The following GPC6 variants were observed in gnomAD, a reference collection of about 807,000 sequenced individuals.
GPC6 encodes the protein glypican 6.
GPC6 carries 14 observed loss-of-function variants against 55.2 expected under a neutral mutation model. That is an observed-to-expected ratio of 0.25 (90% CI 0.17 to 0.40). The LOEUF (loss-of-function observed/expected upper bound fraction) is 0.40, where lower values mean the gene tolerates loss of function less well. GPC6 is among the 10% of genes least tolerant of loss of function. GPC6 has a pLI of 1.00. For missense variants in GPC6, 641 were observed against 708.5 expected, an observed-to-expected ratio of 0.90 and a Z score of 1.08; for synonymous variants, 278 against 259.6, an observed-to-expected ratio of 1.07 and a Z score of -0.68.
intron 1 of GPC6, among the ~76,000 whole-genome samples, chr13:93,335,123 T>C (rs1311566166): frequency 6.6e-6 from 1 of 152,222 alleles, no homozygotes; most frequent in Non-Finnish European, 1.5e-5. Flanking sequence ...GTCAGTGGCA[T>C]AGCTAATTAT....
At chr13:93,534,146 C>T (rs1366897065) in intron 1 of GPC6, among the ~76,000 whole-genome samples, 2 of 152,042 alleles carry the variant, frequency 1.3e-5, no homozygotes, top group Non-Finnish European at 2.9e-5. Flanking sequence ...CTAGGAGGCT[C>T]CTCAGGAGAA....
At chr13:93,327,431 C>G (rs914756762) in intron 1 of GPC6, among the ~76,000 whole-genome samples, 1 of 152,076 alleles carries the variant, frequency 6.6e-6, no homozygotes, top group Non-Finnish European at 1.5e-5. Flanking sequence ...TTTCCTTTTA[C>G]ACTTGTTCAT....
At chr13:93,308,747 G>A (rs1285633409) in intron 1 of GPC6, among the ~76,000 whole-genome samples, 1 of 152,166 alleles carries the variant, frequency 6.6e-6, no homozygotes, top group East Asian at 1.9e-4. Context: ...GGGCTGTCAT[G>A]GGTAATTTAA....
rs538363940 is a variant in GPC6 at position 93,877,243 on chromosome 13, C to T, written c.711+46698C>T. On this transcript the variant is annotated intron_variant, in intron 3 of 8. Transcript: ENST00000377047. ...ATTATACTACTACATATGGATACGG[C>T]CTATTTTACAGTTAACCCTTATAAC... is the stretch of plus-strand genomic sequence containing the variant. Among the ~76,000 whole-genome samples, 4 of 151,974 alleles carry T rather than the reference C, an allele frequency of 2.6e-5. No homozygotes were observed. The South Asian group carries it at 8.3e-4, about 32-fold the overall frequency.
chr13:93,489,069 GC>G lies in GPC6; in HGVS notation c.161-56192del, dbSNP rs1466852170. 2.0e-5 allele frequency among the ~76,000 whole-genome samples: 3 copies of G among 151,400 alleles called. No homozygotes were observed. The East Asian group carries it at 6.6e-4, about 33-fold the overall frequency. Reference sequence around the variant, plus strand: ...CCATGCCTATGTCCTGAATTGTATTGCCTAGGTTTTCTTCTAGGGTTTTTAT... The same window carrying G: ...CCATGCCTATGTCCTGAATTGTATTGCTAGGTTTTCTTCTAGGGTTTTTAT... On this transcript the variant is annotated intron_variant, in intron 1 of 8. Coordinates refer to ENST00000377047, the MANE Select transcript of GPC6 (RefSeq NM_005708.5).
At chr13:93,393,335 T>G (rs1174610323) in intron 1 of GPC6, among the ~76,000 whole-genome samples, 1 of 151,810 alleles carries the variant, frequency 6.6e-6, no homozygotes, top group African/African-American at 2.4e-5. Flanking sequence ...AGATGGAATT[T>G]CACCATGTTG....
chr13:93,798,620 C>A (rs964064911), intron 2 of GPC6, among the ~76,000 whole-genome samples: 1 of 152,028 alleles, frequency 6.6e-6, no homozygotes, highest in Admixed American at 6.5e-5. Context: ...GAATGTGCAC[C>A]TACAATAGTG....
At chr13:94,162,995 C>G (rs900453004) in intron 4 of GPC6, among the ~76,000 whole-genome samples, 1 of 152,162 alleles carries the variant, frequency 6.6e-6, no homozygotes, top group African/African-American at 2.4e-5. Flanking sequence ...ATAGAAATAG[C>G]TCACCATGAA....
At chr13:93,696,671 G>GGC (rs1224241739) in intron 2 of GPC6, among the ~76,000 whole-genome samples, 1 of 148,924 alleles carries the variant, frequency 6.7e-6, no homozygotes, top group African/African-American at 2.5e-5. Flanking sequence ...GCCCAGACTG[G>GGC]AGTGCAGTGG....
chr13:94,064,394 C>G (rs1379907041), intron 4 of GPC6, among the ~76,000 whole-genome samples: 1 of 152,156 alleles, frequency 6.6e-6, no homozygotes, highest in East Asian at 1.9e-4. Flanking sequence ...AAAGGCACTA[C>G]CCTCCCATCT....
chr13:94,339,113 A>T (rs186997107), intron 6 of GPC6, among the ~76,000 whole-genome samples: 243 of 151,882 alleles, frequency 1.6e-3, no homozygotes, highest in Middle Eastern at 3.4e-3. Flanking sequence ...CATCCAGGCT[A>T]GAGTGAAGTG....
chr13:93,926,832 A>C (rs1363101148), intron 3 of GPC6, among the ~76,000 whole-genome samples: 1 of 152,116 alleles, frequency 6.6e-6, no homozygotes, highest in African/African-American at 2.4e-5. Flanking sequence ...GAAGACAGAC[A>C]CTGTTAACTG....
intron 4 of GPC6, among the ~76,000 whole-genome samples, chr13:94,047,260 T>G (rs1218267910): frequency 2.0e-5 from 3 of 152,102 alleles, no homozygotes; most frequent in African/African-American, 2.4e-5. Flanking sequence ...TAAATATTAC[T>G]AAGACATTTG....
chr13:93,598,384 C>A (rs1235592738), intron 2 of GPC6, among the ~76,000 whole-genome samples: 1 of 152,138 alleles, frequency 6.6e-6, no homozygotes, highest in Non-Finnish European at 1.5e-5. Context: ...TACTCTTCTT[C>A]CTCTTTACAT....
At chr13:94,303,746 T>C (rs1470651596) in intron 5 of GPC6, among the ~76,000 whole-genome samples, 1 of 147,134 alleles carries the variant, frequency 6.8e-6, no homozygotes, top group Non-Finnish European at 1.5e-5. Context: ...ACCTATGTTC[T>C]GTAATAATTA....
chr13:93,924,196 A>G (rs940559370), intron 3 of GPC6, among the ~76,000 whole-genome samples: 1 of 152,202 alleles, frequency 6.6e-6, no homozygotes, highest in African/African-American at 2.4e-5. Flanking sequence ...TATACATTTG[A>G]TATACAGTAT....
At chr13:93,807,932 C>T (rs1886587460) in intron 2 of GPC6, among the ~76,000 whole-genome samples, 1 of 152,098 alleles carries the variant, frequency 6.6e-6, no homozygotes, top group African/African-American at 2.4e-5. Flanking sequence ...CGGTCACTCC[C>T]CTAAAGGCAA....
At chr13:93,878,431 C>G (rs1462279451) in intron 3 of GPC6, among the ~76,000 whole-genome samples, 1 of 151,980 alleles carries the variant, frequency 6.6e-6, no homozygotes, top group African/African-American at 2.4e-5. Context: ...GGCTGGAGTG[C>G]AGTGGCACCA....
At chr13:93,802,794 A>G (rs1018117596) in intron 2 of GPC6, among the ~76,000 whole-genome samples, 4 of 152,208 alleles carry the variant, frequency 2.6e-5, no homozygotes, top group East Asian at 1.9e-4. Context: ...AAAAATAAAT[A>G]TATTTGAAGC....
Sources: gnomAD v4.1 joint callset for allele counts (sites outside exome capture counted in the v4.1 genomes callset) on GRCh38, gnomAD v4.1.1 for gene constraint, MANE v1.5 for transcripts, NCBI Gene and HGNC (gene_info 2026-07-23, HGNC 2026-07-21) for gene names.